Variants in ADAM23 observed in about 807,000 individuals in gnomAD.
The protein encoded by ADAM23 is ADAM metallopeptidase domain 23.
A neutral mutation model predicts 120.1 loss-of-function variants in ADAM23; 33 were observed. The observed-to-expected ratio is 0.27, with a 90% CI of 0.21 to 0.37. The LOEUF (loss-of-function observed/expected upper bound fraction) is 0.37, where lower values mean the gene tolerates loss of function less well. Among genes scored for constraint, ADAM23 ranks in the 10% least tolerant of loss-of-function variants. The probability of loss-of-function intolerance (pLI) is 1.00; values close to 1 mark genes in which losing one functional copy is unlikely to be tolerated. For synonymous variants in ADAM23, 367 were observed against 375.2 expected (o/e 0.98, Z 0.25); for missense variants, 862 against 1,058.2 (o/e 0.81, Z 2.57).
chr2:206,561,502 CCTT>C (rs1697764591), intron 12 of ADAM23, among the ~76,000 whole-genome samples: 1 of 151,968 alleles, frequency 6.6e-6, no homozygotes, highest in Non-Finnish European at 1.5e-5. Context: ...GCTTATTAAT[CCTT>C]CTCTGACTTT....
intron 21 of ADAM23, among the ~76,000 whole-genome samples, chr2:206,591,916 A>T (rs1418943165): frequency 1.3e-5 from 2 of 152,110 alleles, no homozygotes. Context: ...AATCTAGCAC[A>T]TTTTTGTACA....
intron 2 of ADAM23, among the ~76,000 whole-genome samples, chr2:206,464,608 A>G (rs1171118759): frequency 1.3e-5 from 2 of 151,970 alleles, no homozygotes; most frequent in Non-Finnish European, 2.9e-5. Context: ...AAAAGAAACA[A>G]AAGTTGAATT....
At chr2:206,556,812 A>G (rs556179034) in intron 9 of ADAM23, among the ~76,000 whole-genome samples, 2 of 152,250 alleles carry the variant, frequency 1.3e-5, no homozygotes, top group South Asian at 4.1e-4. Context: ...TTCCTCTGAA[A>G]GGATATACTA....
intron 2 of ADAM23, among the ~76,000 whole-genome samples, chr2:206,475,573 C>T (rs902769722): frequency 6.6e-5 from 10 of 151,198 alleles, no homozygotes; most frequent in Non-Finnish European, 1.3e-4. Context: ...CTACTGTTTT[C>T]GTATGAAAAG....
chr2:206,531,341 AG>A (rs1697058102), intron 4 of ADAM23, among the ~76,000 whole-genome samples: 1 of 152,186 alleles, frequency 6.6e-6, no homozygotes, highest in African/African-American at 2.4e-5. Flanking sequence ...GGCAGAGGAC[AG>A]GTGGGGGAAG....
At chr2:206,601,198 A>G (rs1019637470) in intron 24 of ADAM23, among the ~76,000 whole-genome samples, 5 of 152,202 alleles carry the variant, frequency 3.3e-5, no homozygotes, top group Admixed American at 2.6e-4. Flanking sequence ...CCATTGTAAG[A>G]AGGAAGAGAA....
intron 3 of ADAM23, among the ~76,000 whole-genome samples, chr2:206,521,780 T>TA (rs1437362720): frequency 6.6e-6 from 1 of 152,232 alleles, no homozygotes; most frequent in Non-Finnish European, 1.5e-5. Context: ...TCTAGTCATT[T>TA]CCTCAGGAAA....
At chr2:206,452,227 T>A (rs1695209568) in intron 2 of ADAM23, among the ~76,000 whole-genome samples, 1 of 152,216 alleles carries the variant, frequency 6.6e-6, no homozygotes, top group African/African-American at 2.4e-5. Flanking sequence ...TTTGGGCATT[T>A]GAGTTTGGAT....
At chr2:206,525,658 C>G (rs1214351029) in intron 3 of ADAM23, among the ~76,000 whole-genome samples, 2 of 151,334 alleles carry the variant, frequency 1.3e-5, no homozygotes, top group Non-Finnish European at 3.0e-5. Flanking sequence ...GTGGTGTGAT[C>G]TCGGCTCACT....
chr2:206,463,340 C>G (rs1352308083), intron 2 of ADAM23, among the ~76,000 whole-genome samples: 2 of 152,120 alleles, frequency 1.3e-5, no homozygotes, highest in Admixed American at 1.3e-4. Context: ...GAGGGGCCCA[C>G]AAGCCAAGGA....
At chr2:206,494,633 A>G (rs1026816445) in intron 3 of ADAM23, among the ~76,000 whole-genome samples, 5 of 152,192 alleles carry the variant, frequency 3.3e-5, no homozygotes, top group African/African-American at 1.2e-4. Context: ...TTAGCTGGCC[A>G]TTCAGTGGTT....
At chr2:206,499,611 C>T (rs896606339) in intron 3 of ADAM23, among the ~76,000 whole-genome samples, 1 of 151,756 alleles carries the variant, frequency 6.6e-6, no homozygotes, top group Non-Finnish European at 1.5e-5. Flanking sequence ...GCACGTTGTG[C>T]ACATGTACCC....
chr2:206,444,414 C>T (rs1695032720), intron 1 of ADAM23, among the ~76,000 whole-genome samples: 2 of 152,148 alleles, frequency 1.3e-5, no homozygotes, highest in South Asian at 4.1e-4. Context: ...CAAGTTGCTA[C>T]TTGCGTGGTG....
rs533500989 is a variant in ADAM23, at chr2:206,565,487, A to G, written c.1394+419A>G. Among the ~76,000 whole-genome samples the G allele has an allele frequency of 6.6e-5, 10 of 152,358 alleles. 1 individual carries two copies. In the South Asian group the frequency reaches 2.1e-3, roughly 32 times the overall value. ...ATAAAAATTAAACTTTACTGTTTAT[A>G]AATCAATAAAGCTTTTTAAAAATTA... On this transcript the variant is annotated intron_variant, in intron 14 of 25. Coordinates refer to ENST00000264377, the MANE Select transcript of ADAM23 (RefSeq NM_003812.4).
Position 206,570,737 on chromosome 2 carries a change from T to C in ADAM23, c.1495-3T>C, listed in dbSNP as rs773691484. The C allele has an allele frequency of 1.2e-5, 19 of 1,613,358 alleles. No individual in the cohort carries two copies. The highest frequency in any genetic ancestry group is 1.3e-5 in the African/African-American group (1 of 74,924). ...TTTTCCCTTCTGTCCCTAATCTCTTTAGCTATTTGAGCCCACGGAATGTGG... is the reference window on the plus strand; with the variant it reads ...TTTTCCCTTCTGTCCCTAATCTCTTCAGCTATTTGAGCCCACGGAATGTGG... On this transcript the variant is annotated splice_polypyrimidine_tract_variant and splice_region_variant and intron_variant, in intron 15 of 25. Transcript: ENST00000264377.
chr2:206,616,360 TG>T (rs1353566230), intron 25 of ADAM23, among the ~76,000 whole-genome samples: 1 of 152,226 alleles, frequency 6.6e-6, no homozygotes, highest in Non-Finnish European at 1.5e-5. Context: ...CAGATAGTGT[TG>T]GCTGCAATGG....
At chr2:206,526,141 TACACACACACACAC>T (rs59684611) in intron 3 of ADAM23, among the ~76,000 whole-genome samples, 9 of 145,682 alleles carry the variant, frequency 6.2e-5, no homozygotes, top group African/African-American at 1.3e-4. Context: ...TTCCAACAAA[TACACACACACACAC>T]ACACACACAC....
intron 4 of ADAM23, among the ~76,000 whole-genome samples, chr2:206,533,477 A>G (rs965896106): frequency 6.6e-6 from 1 of 152,348 alleles, no homozygotes; most frequent in Middle Eastern, 3.4e-3. Flanking sequence ...TGCTGGGATT[A>G]TAGGCGTGAG....
At chr2:206,477,889 A>AT (rs371133867) in intron 2 of ADAM23, among the ~76,000 whole-genome samples, 2,025 of 54,380 alleles carry the variant, frequency 0.037, 41 homozygotes, top group Admixed American at 0.1. Context: ...TTAAAAAAAA[A>AT]AAAAAAAAAT....
Sources: gnomAD v4.1 joint callset for allele counts (sites outside exome capture counted in the v4.1 genomes callset) on GRCh38, gnomAD v4.1.1 for gene constraint, MANE v1.5 for transcripts, NCBI Gene and HGNC (gene_info 2026-07-23, HGNC 2026-07-21) for gene names.